The following NBEAL2 variants were observed in gnomAD, a reference collection of about 807,000 sequenced individuals.
NBEAL2 encodes the protein neurobeachin like 2, also known as neurobeachin-like protein 2.
Under a neutral mutation model 299.8 loss-of-function variants are expected in NBEAL2, and 160 were observed. The observed-to-expected ratio is 0.53, with a 90% CI of 0.47 to 0.61. The LOEUF (loss-of-function observed/expected upper bound fraction) is 0.61, where lower values mean the gene tolerates loss of function less well. Ranked by LOEUF, NBEAL2 falls within the 20% of genes least tolerant of loss-of-function variation. The probability of loss-of-function intolerance (pLI) is 0.00; values close to 1 mark genes in which losing one functional copy is unlikely to be tolerated. For missense variants in NBEAL2, 3,112 were observed against 3,649.0 expected (o/e 0.85, Z 3.79); for synonymous variants, 1,493 against 1,542.3 (o/e 0.97, Z 0.75).
chr3:47,006,380 T>A lies in NBEAL2; in HGVS notation c.7065T>A (p.Leu2355=). The A allele has an allele frequency of 1.9e-6, 3 of 1,596,088 alleles. No individual in the cohort carries two copies. The highest frequency in any genetic ancestry group is 2.6e-6 in the Non-Finnish European group (3 of 1,171,534). The change falls in exon 45 of 54, where the codon CTT becomes CTA. Residue 2355 remains leucine (L), a synonymous_variant. Coordinates refer to ENST00000450053, the MANE Select transcript of NBEAL2 (RefSeq NM_015175.3). The part of the protein sequence containing the change: ...RLSAEEAAHR[L]ARLDTNSPSI... ...CAGCTGAGGAAGCAGCCCATCGCCT[T>A]GCACGCCTGGACACTAACTCACCTA...
At position 47,007,154 on chromosome 3, in the gene NBEAL2, TG is replaced by T; in HGVS notation, c.7224+1del. On this transcript the variant is annotated frameshift_variant and splice_region_variant, in exon 46 of 54. Transcript: ENST00000450053. LOFTEE classifies it high-confidence loss of function. ...SFITQGSPDL[L>X]VTVSASGLLG... ...ATCACCCAGGGTTCCCCAGACCTGT[TG>T]GTAAGTGCATTGTGCAGAGCCCCAG... 6.2e-7 allele frequency: 1 copy of T among 1,613,668 alleles called. No homozygotes were observed. Among genetic ancestry groups the T allele is most frequent in the Non-Finnish European group, 8.5e-7 (1 of 1,179,748 alleles).
chr3:47,003,329 GAT>G lies in NBEAL2; in HGVS notation c.5720+21_5720+22del. On this transcript the variant is annotated intron_variant, in intron 35 of 53. Transcript: ENST00000450053. This position sits in a 1 kb window ranked among gnomAD's most constrained non-coding sequence, Gnocchi z 7.0. ...GACCCCGTGAGTGGGGCCCTGGAGA[GAT>G]TGGACTGGTGTGGTGGGCAAGGGGT... is the stretch of plus-strand genomic sequence containing the variant. The G allele has an allele frequency of 6.2e-7, 1 of 1,607,276 alleles. No individual in the cohort carries two copies. Among genetic ancestry groups the G allele is most frequent in the Non-Finnish European group, 8.5e-7 (1 of 1,177,064 alleles).
rs1340293467 is a variant in NBEAL2 at position 47,002,353 on chromosome 3, C to T, written c.5152-18C>T. 7 of 1,612,996 alleles carry T rather than the reference C, an allele frequency of 4.3e-6. No homozygotes were observed. The highest frequency in any genetic ancestry group is 5.9e-6 in the Non-Finnish European group (7 of 1,179,578). On this transcript the variant is annotated intron_variant, in intron 31 of 53. Transcript: ENST00000450053. ...GGGGCCCACATCGAGCACTGTTCTC[C>T]TCTGCCCAATCCTCCAGGTACAGCC...
rs1311028559 is a variant in NBEAL2 at position 47,000,244 on chromosome 3, C to T, written c.4145C>T (p.Pro1382Leu). 1.2e-6 allele frequency: 2 copies of T among 1,613,294 alleles called. No individual in the cohort carries two copies. The highest frequency in any genetic ancestry group is 1.7e-6 in the Non-Finnish European group (2 of 1,179,880). Reference protein sequence around the residue: ...GGGGSSGTLTPASQPGTPSPL... With the variant: ...GGGGSSGTLTLASQPGTPSPL... The stretch of plus-strand genomic sequence containing the variant: ...GGCGGCAGCAGTGGGACTCTTACTC[C>T]AGCCAGCCAGCCCGGCACTCCTTCG... Residue 1382 changes from proline to leucine, a missense_variant, in exon 27 of 54, where the codon CCA (proline) becomes CTA (leucine). Pro to Leu is a moderately conservative substitution (Grantham distance 98). This residue lies in a region of NBEAL2 where 2,243 missense variants were observed against 2,538.1 expected (regional missense o/e 0.88). Coordinates refer to ENST00000450053, the MANE Select transcript of NBEAL2 (RefSeq NM_015175.3). The surrounding 1 kb of genome is among the most constrained non-coding windows in gnomAD (Gnocchi z 4.5).
chr3:46,993,808 A>T, intron 10 of NBEAL2, 129 bp from the exon 11 acceptor site: 1 of 780,882 alleles, frequency 1.3e-6, no homozygotes, highest in Non-Finnish European at 2.1e-6. Flanking sequence ...TGGTGCTCTG[A>T]CAGAGTTGCT....
Position 47,008,648 on chromosome 3 carries a change from G to T in NBEAL2, c.8007G>T (p.Leu2669=). The T allele has an allele frequency of 1.2e-6, 2 of 1,613,344 alleles. No homozygotes were observed. The highest frequency in any genetic ancestry group is 1.7e-6 in the Non-Finnish European group (2 of 1,179,868). ...FVLLGTAQCA[L]HILQLNTLLP... ...TGCTGGGCACCGCCCAGTGCGCCCT[G>T]CACATCCTCCAACTAAACACGTAAG... The change falls in exon 52 of 54, where the codon CTG becomes CTT. Residue 2669 remains leucine (L), a synonymous_variant. Transcript: ENST00000450053.
chr3:47,006,071 G>A lies in NBEAL2; in HGVS notation c.6919+8G>A. 1 of 1,613,476 alleles carries A rather than the reference G, an allele frequency of 6.2e-7. No homozygotes were observed. The highest frequency in any genetic ancestry group is 1.1e-5 in the South Asian group (1 of 91,088). On this transcript the variant is annotated splice_region_variant and intron_variant, in intron 43 of 53. Coordinates refer to ENST00000450053, the MANE Select transcript of NBEAL2 (RefSeq NM_015175.3). ...ATTACTGCACCTATGAGGGTGGGCA[G>A]TGCGCTGGACTCCAGTCAGGGCCAG... is the stretch of plus-strand genomic sequence containing the variant.
At position 46,992,537 on chromosome 3, in the gene NBEAL2, T is replaced by C. The variant is rs2036182064; in HGVS notation, c.1095T>C (p.Thr365=). 1 of 1,599,930 alleles carries C rather than the reference T, an allele frequency of 6.3e-7. No homozygotes were observed. Among genetic ancestry groups the C allele is most frequent in the Non-Finnish European group, 8.5e-7 (1 of 1,173,692 alleles). The part of the protein sequence containing the change: ...GDSDLATRLL[T]EPDVQKVLDQ... ...GTGACCTGGCTACCCGGTTACTGAC[T>C]GAGCCCGATGTCCAAAAGGTACCAT... Residue 365 remains threonine, a synonymous_variant, in exon 10 of 54, where the codon ACT becomes ACC. Coordinates refer to ENST00000450053, the MANE Select transcript of NBEAL2 (RefSeq NM_015175.3).
Position 47,002,093 on chromosome 3 carries a change from A to C in NBEAL2, c.4956A>C (p.Ala1652=). The change falls in exon 31 of 54, where the codon GCA becomes GCC. Residue 1652 remains alanine, a synonymous_variant. Transcript: ENST00000450053. ...TDEAGSPLAA[A]AAAAAAERCS... ...AGGCAGGGTCCCCACTTGCAGCTGC[A>C]GCAGCTGCAGCAGCTGCAGAGCGCT... 1 of 1,547,288 alleles carries C rather than the reference A, an allele frequency of 6.5e-7. No individual in the cohort carries two copies.
Position 47,004,762 on chromosome 3 carries a change from C to A in NBEAL2, c.6294+172C>A. ...GCCAACCCCCAGAGGTCCCCAGCCT[C>A]ACTCCCTTCCCCTCCCTGCCTAGCC... is the stretch of plus-strand genomic sequence containing the variant. On this transcript the variant is annotated intron_variant, in intron 38 of 53. Coordinates refer to ENST00000450053, the MANE Select transcript of NBEAL2 (RefSeq NM_015175.3). This position sits in a 1 kb window ranked among gnomAD's most constrained non-coding sequence, Gnocchi z 5.0. The A allele has an allele frequency of 1.0e-6, 1 of 955,486 alleles. No individual in the cohort carries two copies. The highest frequency in any genetic ancestry group is 1.6e-6 in the Non-Finnish European group (1 of 629,962). 59.2% of individuals were successfully genotyped at this position (955,486 alleles called of 1,614,324 possible).
intron 1 of NBEAL2, among the ~76,000 whole-genome samples, chr3:46,987,832 G>A (rs1433781863): frequency 6.6e-6 from 1 of 152,150 alleles, no homozygotes; most frequent in Non-Finnish European, 1.5e-5. Flanking sequence ...CCCACCCTCT[G>A]TGCAGGCCAG....
chr3:46,983,588 G>A (rs1184316219), intron 1 of NBEAL2, among the ~76,000 whole-genome samples: 1 of 152,122 alleles, frequency 6.6e-6, no homozygotes, highest in Non-Finnish European at 1.5e-5. Flanking sequence ...GATTACAAGC[G>A]TGAGCCACCG....
rs201647506 is a variant in NBEAL2 at position 47,008,475 on chromosome 3, G to A, written c.7878+34G>A. On this transcript the variant is annotated intron_variant, in intron 51 of 53. Coordinates refer to ENST00000450053, the MANE Select transcript of NBEAL2 (RefSeq NM_015175.3). ...AAGGGGTGCCCAGCAAAGATGGAGG[G>A]GCAGTTGGGATCCTGTCCTTGCTGA... 9.8e-5 allele frequency: 157 copies of A among 1,609,874 alleles called. No individual in the cohort carries two copies. The Admixed American group carries it at 1.0e-3, about 10-fold the overall frequency.
Position 47,005,285 on chromosome 3 carries a change from C to A in NBEAL2, c.6524C>A (p.Pro2175His). ...ATGCACTACCTCATCCGCGTGGAGC[C>A]CTTCACCTCCCTGCACGTCCAGCTG... The part of the protein sequence containing the change: ...GVMHYLIRVE[P>H]FTSLHVQLQS... The change falls in exon 40 of 54, where the codon CCC (proline) becomes CAC (histidine). Residue 2175 changes from proline (P) to histidine (H), a missense_variant. Coordinates refer to ENST00000450053, the MANE Select transcript of NBEAL2 (RefSeq NM_015175.3). The A allele has an allele frequency of 1.2e-6, 2 of 1,613,096 alleles. No homozygotes were observed. Among genetic ancestry groups the A allele is most frequent in the Non-Finnish European group, 1.7e-6 (2 of 1,179,772 alleles).
intron 40 of NBEAL2, 27 bp from the exon 41 acceptor site, chr3:47,005,462 C>T (rs1422131066): frequency 6.2e-7 from 1 of 1,606,162 alleles, no homozygotes; most frequent in African/African-American, 1.3e-5. Context: ...CTCCCCACCT[C>T]ACCTTGGCCC....
In NBEAL2 at chr3:46,995,262, G is replaced by C. The variant is rs757912836; in HGVS notation, c.1527G>C (p.Glu509Asp). The C allele has an allele frequency of 1.6e-5, 25 of 1,559,612 alleles. No individual in the cohort carries two copies. Among genetic ancestry groups the C allele is most frequent in the Non-Finnish European group, 1.7e-5 (20 of 1,152,522 alleles). ...CACTCAGCACAGGGCTAGCCCTGGA[G>C]GCCCGCTGCCAAGAGCAGCTGCTGG... ...LETLSTGLAL[E>D]ARCQEQLLAL... is the part of the protein sequence containing the mutation. Residue 509 changes from glutamate to aspartate, a missense_variant, in exon 13 of 54, where the codon GAG becomes GAC. Coordinates refer to ENST00000450053, the MANE Select transcript of NBEAL2 (RefSeq NM_015175.3).
Position 46,989,427 on chromosome 3 carries a change from A to G in NBEAL2, c.473+46A>G, listed in dbSNP as rs761186719. The G allele has an allele frequency of 1.3e-6, 2 of 1,565,338 alleles. No individual in the cohort carries two copies. The highest frequency in any genetic ancestry group is 1.7e-6 in the Non-Finnish European group (2 of 1,155,070). On this transcript the variant is annotated intron_variant, in intron 5 of 53. Transcript: ENST00000450053. The surrounding 1 kb of genome is among the most constrained non-coding windows in gnomAD (Gnocchi z 5.5). ...AGGGAACCCAGAGGAGGGTGGGGAGAGGATGGCCGCGCTGGGCCCAAGGAG... is the reference window on the plus strand; with the variant it reads ...AGGGAACCCAGAGGAGGGTGGGGAGGGGATGGCCGCGCTGGGCCCAAGGAG...
At position 47,006,055 on chromosome 3, in the gene NBEAL2, C is replaced by T; in HGVS notation, c.6911C>T (p.Thr2304Ile). 1 of 1,613,706 alleles carries T rather than the reference C, an allele frequency of 6.2e-7. No individual in the cohort carries two copies. The highest frequency in any genetic ancestry group is 1.1e-5 in the South Asian group (1 of 91,086). The change falls in exon 43 of 54, where the codon ACC (threonine) becomes ATC (isoleucine). Residue 2304 changes from threonine to isoleucine, a missense_variant. Thr to Ile is a moderately conservative substitution (Grantham distance 89). Around this residue, in one of 3 missense-constraint regions of NBEAL2, gnomAD observed 521 missense variants for 729.6 expected, o/e 0.71. Coordinates refer to ENST00000450053, the MANE Select transcript of NBEAL2 (RefSeq NM_015175.3). ...GCCCTCAATGTCTTCTATTACTGCA[C>T]CTATGAGGGTGGGCAGTGCGCTGGA... ...EEALNVFYYC[T>I]YEGAVDLDHV...
rs769966713 is a variant in NBEAL2 at position 46,989,198 on chromosome 3, G to GTGTA, written c.351+35_351+38dup. Reference sequence around the variant, plus strand: ...TGGCCTCTACCTTGGGGGGCAGAGGGTGTATGCAGGGAGGCAGGCGGTAGC... The same window carrying GTGTA: ...TGGCCTCTACCTTGGGGGGCAGAGGGTGTATGTATGCAGGGAGGCAGGCGGTAGC... On this transcript the variant is annotated intron_variant, in intron 4 of 53. Transcript: ENST00000450053. The surrounding 1 kb of genome is among the most constrained non-coding windows in gnomAD (Gnocchi z 5.5). 24 of 1,613,490 alleles carry GTGTA rather than the reference G, an allele frequency of 1.5e-5. No individual in the cohort carries two copies. The highest frequency in any genetic ancestry group is 5.5e-5 in the South Asian group (5 of 91,026).
Sources: gnomAD v4.1 joint callset for allele counts (sites outside exome capture counted in the v4.1 genomes callset) on GRCh38, gnomAD v4.1.1 for gene constraint, gnomAD v4.1.1 regional missense constraint, Gnocchi (gnomAD v3.1) non-coding constraint, MANE v1.5 for transcripts, NCBI Gene and HGNC (gene_info 2026-07-23, HGNC 2026-07-21) for gene names.